PPM1B: variants seen among roughly 807,000 people sequenced by gnomAD.
The protein encoded by PPM1B is protein phosphatase 1B.
Under a neutral mutation model 43.0 loss-of-function variants are expected in PPM1B, and 22 were observed. That is an observed-to-expected ratio of 0.51 (90% CI 0.37 to 0.73). The LOEUF (loss-of-function observed/expected upper bound fraction) is 0.73, where lower values mean the gene tolerates loss of function less well. Ranked by LOEUF, PPM1B falls within the 30% of genes least tolerant of loss-of-function variation. The pLI is 0.00. For missense variants in PPM1B, 632 were observed against 584.2 expected, an observed-to-expected ratio of 1.08 and a Z score of -0.84; for synonymous variants, 217 against 197.9, an observed-to-expected ratio of 1.10 and a Z score of -0.81.
At chr2:44,243,148 A>G (rs2104297233) in intron 5 of PPM1B, among the ~76,000 whole-genome samples, 1 of 152,306 alleles carries the variant, frequency 6.6e-6, no homozygotes, top group Middle Eastern at 3.4e-3. Flanking sequence ...CAGGCAGAAT[A>G]AGGGCTTTCT....
intron 1 of PPM1B, among the ~76,000 whole-genome samples, chr2:44,184,228 A>G (rs911188741): frequency 6.6e-6 from 1 of 152,212 alleles, no homozygotes; most frequent in Admixed American, 6.5e-5. Context: ...CTGCTGCTCT[A>G]ATAGGTATCC....
chr2:44,243,729 CTTAA>C (rs1371826498), intron 5 of PPM1B, among the ~76,000 whole-genome samples: 3 of 152,132 alleles, frequency 2.0e-5, no homozygotes, highest in African/African-American at 7.2e-5. Context: ...ACCATGTCAT[CTTAA>C]TTATCATAGT....
downstream of PPM1B, among the ~76,000 whole-genome samples, chr2:44,236,515 T>A (rs987328697): frequency 1.3e-5 from 2 of 151,970 alleles, no homozygotes; most frequent in Non-Finnish European, 2.9e-5. Flanking sequence ...TTAAAATGGT[T>A]TTTAATAACA....
In PPM1B at chr2:44,226,683, A is replaced by G. The variant is rs191959327; in HGVS notation, c.1135-3730A>G. On this transcript the variant is annotated intron_variant, in intron 5 of 5. Transcript: ENST00000282412. Reference sequence around the variant, plus strand: ...CTTTATGTGTAAATCTTTGAAGCAGATTTTGTTTTAATGTCCTGTAATTTT... The same window carrying G: ...CTTTATGTGTAAATCTTTGAAGCAGGTTTTGTTTTAATGTCCTGTAATTTT... 3.9e-3 allele frequency among the ~76,000 whole-genome samples: 523 copies of G among 135,550 alleles called. 3 individuals carry two copies. Among genetic ancestry groups the G allele is most frequent in the African/African-American group, 0.014 (490 of 35,828 alleles). The allele number at this position is 135,550 out of a possible 152,430, so 88.9% of individuals were successfully genotyped here.
chr2:44,215,640 A>G (rs1200020925), intron 3 of PPM1B, among the ~76,000 whole-genome samples: 1 of 152,188 alleles, frequency 6.6e-6, no homozygotes, highest in Non-Finnish European at 1.5e-5. Context: ...AAGGAATAAT[A>G]TTAAAATAAA....
chr2:44,241,250 C>T (rs1670739141), intron 5 of PPM1B, among the ~76,000 whole-genome samples: 2 of 142,076 alleles, frequency 1.4e-5, no homozygotes, highest in African/African-American at 5.0e-5. Flanking sequence ...TGATCCGCCC[C>T]CCTTGGCCTC....
intron 2 of PPM1B, among the ~76,000 whole-genome samples, chr2:44,205,743 T>G (rs1462756759): frequency 6.6e-6 from 1 of 152,222 alleles, no homozygotes; most frequent in Non-Finnish European, 1.5e-5. Context: ...TATTTGATTT[T>G]CCAAAATTTC....
chr2:44,175,120 G>A (rs1481448983), intron 1 of PPM1B, among the ~76,000 whole-genome samples: 2 of 152,126 alleles, frequency 1.3e-5, no homozygotes, highest in East Asian at 1.9e-4. Context: ...TGGGTGTGGC[G>A]GCATGTGCCT....
intron 1 of PPM1B, among the ~76,000 whole-genome samples, chr2:44,183,824 C>T (rs532498981): frequency 9.2e-5 from 14 of 152,232 alleles, no homozygotes; most frequent in Admixed American, 5.9e-4. Context: ...CTGCAAGCTC[C>T]GCCTTCCGGG....
At chr2:44,180,994 C>G (rs1342341808) in intron 1 of PPM1B, among the ~76,000 whole-genome samples, 1 of 151,976 alleles carries the variant, frequency 6.6e-6, no homozygotes, top group African/African-American at 2.4e-5. Context: ...CTCTTTTGCC[C>G]AGGCTGGAGT....
downstream of PPM1B, chr2:44,233,430 ATTC>A (rs1427267749): frequency 6.1e-6 from 6 of 981,974 alleles, no homozygotes; most frequent in African/African-American, 5.2e-5. Context: ...GTAACCTTGA[ATTC>A]TTCTGAGTTT....
chr2:44,222,201 G>A lies in PPM1B; in HGVS notation c.1134+3664G>A, dbSNP rs181656708. Among the ~76,000 whole-genome samples, 8 of 152,062 alleles carry A rather than the reference G, an allele frequency of 5.3e-5. No individual in the cohort carries two copies. The East Asian group carries it at 1.6e-3, about 29-fold the overall frequency. ...TAGAATATAAATTCTGTGAGATCTGGGACTTGATCTGATTCATTTGTGTCT... is the reference window on the plus strand; with the variant it reads ...TAGAATATAAATTCTGTGAGATCTGAGACTTGATCTGATTCATTTGTGTCT... On this transcript the variant is annotated intron_variant, in intron 5 of 5. Coordinates refer to ENST00000282412, the MANE Select transcript of PPM1B (RefSeq NM_002706.6).
In PPM1B at chr2:44,240,855, C is replaced by G. The variant is rs563410909; in HGVS notation, n.1547-3373C>G. Among the ~76,000 whole-genome samples the G allele has an allele frequency of 1.3e-4, 19 of 146,034 alleles. 2 individuals are homozygous for G. Among genetic ancestry groups the G allele is most frequent in the Admixed American group, 2.7e-4 (4 of 14,678 alleles). On this transcript the variant is annotated intron_variant and non_coding_transcript_variant, in intron 5 of 5. Coordinates refer to the PPM1B transcript ENST00000378540. ...CAGCCAGGTGCTGTTGGCTTCCTTA[C>G]GCAGTGAGCTGTCTCTTAATACTTT...
intron 1 of PPM1B, among the ~76,000 whole-genome samples, chr2:44,179,786 A>G (rs985841585): frequency 5.3e-5 from 8 of 152,150 alleles, no homozygotes; most frequent in Non-Finnish European, 1.2e-4. Context: ...AGGCGGGTGG[A>G]TCACCTGAGG....
chr2:44,206,132 G>A (rs183723340), intron 2 of PPM1B, among the ~76,000 whole-genome samples: 49 of 152,282 alleles, frequency 3.2e-4, no homozygotes, highest in African/African-American at 1.0e-3. Flanking sequence ...TATTAAGAGT[G>A]TTAACTGCTG....
At chr2:44,191,452 G>A (rs1454521323) in intron 1 of PPM1B, among the ~76,000 whole-genome samples, 1 of 152,176 alleles carries the variant, frequency 6.6e-6, no homozygotes, top group Non-Finnish European at 1.5e-5. Context: ...CTGACCTTAT[G>A]ATTCGCCTGC....
chr2:44,194,564 A>G (rs1277402347), intron 1 of PPM1B, among the ~76,000 whole-genome samples: 1 of 152,170 alleles, frequency 6.6e-6, no homozygotes, highest in East Asian at 1.9e-4. Context: ...TCTACTAAAA[A>G]TAGAAAAAAT....
intron 5 of PPM1B, among the ~76,000 whole-genome samples, chr2:44,243,949 G>T (rs1670802959): frequency 6.6e-6 from 1 of 152,042 alleles, no homozygotes; most frequent in African/African-American, 2.4e-5. Context: ...GCCAAGGTGA[G>T]TTCCACCAGG....
intron 1 of PPM1B, among the ~76,000 whole-genome samples, chr2:44,194,015 C>T (rs546141272): frequency 6.6e-6 from 1 of 152,274 alleles, no homozygotes; most frequent in East Asian, 1.9e-4. Context: ...CATCACCCAG[C>T]CTGGTTTTGT....
Sources: allele counts gnomAD v4.1 joint callset (sites outside exome capture counted in the v4.1 genomes callset), GRCh38; gene constraint gnomAD v4.1.1; transcripts MANE v1.5; gene names NCBI Gene and HGNC (gene_info 2026-07-23, HGNC 2026-07-21).